Variants in GUCA1C observed in about 807,000 individuals in gnomAD.
GUCA1C encodes the protein guanylate cyclase activator 1C.
GUCA1C carries 15 observed loss-of-function variants against 16.2 expected under a neutral mutation model. The ratio of observed to expected loss-of-function variants is 0.93; its 90% confidence interval spans 0.62 to 1.43. The LOEUF is 1.43. Ranked by LOEUF, GUCA1C falls within the 40% of genes most tolerant of loss-of-function variation. The probability of loss-of-function intolerance (pLI) is 0.00; values close to 1 mark genes in which losing one functional copy is unlikely to be tolerated. For missense variants in GUCA1C, 275 were observed against 244.8 expected (o/e 1.12, Z -0.82); for synonymous variants, 78 against 85.4 (o/e 0.91, Z 0.48).
intron 1 of GUCA1C, among the ~76,000 whole-genome samples, chr3:108,931,691 G>A (rs1299115858): frequency 6.6e-6 from 1 of 151,932 alleles, no homozygotes; most frequent in Non-Finnish European, 1.5e-5. Context: ...TGAATCAGGA[G>A]GAAAAAAATT....
chr3:108,916,301 G>A, intron 2 of GUCA1C, 87 bp from the exon 3 acceptor site: 1 of 1,323,130 alleles, frequency 7.6e-7, no homozygotes, highest in Non-Finnish European at 1.1e-6. Flanking sequence ...GACAGAATTT[G>A]GGGATGTGTT....
chr3:108,913,902 C>T (rs911970816), intron 3 of GUCA1C, among the ~76,000 whole-genome samples: 2 of 151,890 alleles, frequency 1.3e-5, no homozygotes. Context: ...CCCGTCTCTA[C>T]TAAAAATACA....
chr3:108,923,842 AG>A (rs1946593775), intron 1 of GUCA1C, among the ~76,000 whole-genome samples: 1 of 152,054 alleles, frequency 6.6e-6, no homozygotes, highest in Non-Finnish European at 1.5e-5. Flanking sequence ...AGTGTTTTGT[AG>A]TTTTCCTCGT....
At chr3:108,919,276 A>C (rs527700798) in intron 2 of GUCA1C, among the ~76,000 whole-genome samples, 7 of 152,148 alleles carry the variant, frequency 4.6e-5, no homozygotes, top group African/African-American at 1.7e-4. Flanking sequence ...TGCATTAAGC[A>C]TTAAGAAATG....
At chr3:108,937,888 T>C (rs1946744141) in intron 1 of GUCA1C, among the ~76,000 whole-genome samples, 1 of 152,042 alleles carries the variant, frequency 6.6e-6, no homozygotes, top group Non-Finnish European at 1.5e-5. Context: ...CTGACAAAGA[T>C]GGTGAAACCC....
At chr3:108,914,402 C>T (rs1207666233) in intron 3 of GUCA1C, among the ~76,000 whole-genome samples, 4 of 152,158 alleles carry the variant, frequency 2.6e-5, no homozygotes, top group African/African-American at 7.2e-5. Context: ...CATGTTTTCT[C>T]GAATACACTA....
chr3:108,909,538 G>T (rs941126565), intron 3 of GUCA1C, among the ~76,000 whole-genome samples: 1 of 152,140 alleles, frequency 6.6e-6, no homozygotes, highest in African/African-American at 2.4e-5. Flanking sequence ...CAAATTTATC[G>T]GGGCTCAGCA....
At chr3:108,920,223 A>C (rs1376362391) in intron 2 of GUCA1C, among the ~76,000 whole-genome samples, 1 of 152,230 alleles carries the variant, frequency 6.6e-6, no homozygotes, top group African/African-American at 2.4e-5. Context: ...AAATTTGTGA[A>C]TGTCAGGGTG....
chr3:108,927,318 T>C (rs1173912041), intron 1 of GUCA1C, among the ~76,000 whole-genome samples: 1 of 152,234 alleles, frequency 6.6e-6, no homozygotes, highest in African/African-American at 2.4e-5. Flanking sequence ...TTCCCTCAAA[T>C]ATGTTTTCTA....
intron 2 of GUCA1C, among the ~76,000 whole-genome samples, chr3:108,917,150 T>C (rs555380823): frequency 6.6e-6 from 1 of 152,312 alleles, no homozygotes; most frequent in Non-Finnish European, 1.5e-5. Flanking sequence ...TTTAAAGTAA[T>C]AGTTACATAC....
At chr3:108,951,466 AAC>A (rs1946895124) in intron 1 of GUCA1C, among the ~76,000 whole-genome samples, 1 of 152,230 alleles carries the variant, frequency 6.6e-6, no homozygotes, top group Non-Finnish European at 1.5e-5. Context: ...AACTTATAAA[AAC>A]ACAAAGAAAA....
rs1211358529 is a variant in GUCA1C, at chr3:108,943,972, T to A, written c.204+9587A>T. On this transcript the variant is annotated intron_variant, in intron 1 of 3. Coordinates refer to ENST00000261047, the MANE Select transcript of GUCA1C (RefSeq NM_005459.4). ...TACCCCAATAACTTATAGAAAAAAT[T>A]TTTAATTAAATAAATAAATATAATG... Among the ~76,000 whole-genome samples the A allele has an allele frequency of 3.3e-5, 5 of 151,954 alleles. No individual in the cohort carries two copies. In the East Asian group the frequency reaches 9.6e-4, roughly 29 times the overall value.
At chr3:108,931,504 C>T (rs1946665223) in intron 1 of GUCA1C, among the ~76,000 whole-genome samples, 1 of 152,182 alleles carries the variant, frequency 6.6e-6, no homozygotes, top group African/African-American at 2.4e-5. Flanking sequence ...GTTTTCATTT[C>T]AGTATTCTGT....
intron 1 of GUCA1C, among the ~76,000 whole-genome samples, chr3:108,927,789 T>A (rs1232907939): frequency 6.6e-6 from 1 of 152,180 alleles, no homozygotes; most frequent in African/African-American, 2.4e-5. Context: ...TCTTGGAGTC[T>A]TCTTTTGTCA....
At chr3:108,939,075 A>G (rs1946758258) in intron 1 of GUCA1C, among the ~76,000 whole-genome samples, 1 of 152,190 alleles carries the variant, frequency 6.6e-6, no homozygotes, top group South Asian at 2.1e-4. Context: ...GAAATTCCTC[A>G]GGTAGACATT....
intron 1 of GUCA1C, among the ~76,000 whole-genome samples, chr3:108,948,810 C>T (rs1463036018): frequency 6.6e-6 from 1 of 151,142 alleles, no homozygotes; most frequent in Non-Finnish European, 1.5e-5. Flanking sequence ...GCATATTGTG[C>T]TGGGCCTTGT....
chr3:108,945,866 C>G (rs1252512523), intron 1 of GUCA1C, among the ~76,000 whole-genome samples: 3 of 152,062 alleles, frequency 2.0e-5, no homozygotes, highest in African/African-American at 7.2e-5. Context: ...AATTTTATGA[C>G]CCTCATATAA....
chr3:108,933,180 C>T (rs889762879), intron 1 of GUCA1C, among the ~76,000 whole-genome samples: 1 of 152,058 alleles, frequency 6.6e-6, no homozygotes, highest in Non-Finnish European at 1.5e-5. Flanking sequence ...TTCTACATCA[C>T]AAAATTGTAA....
At chr3:108,936,093 C>T (rs550675549) in intron 1 of GUCA1C, among the ~76,000 whole-genome samples, 3 of 152,024 alleles carry the variant, frequency 2.0e-5, no homozygotes, top group East Asian at 1.9e-4. Flanking sequence ...GGTGAAGCCC[C>T]GTCTCTACAA....
Sources: allele counts gnomAD v4.1 joint callset (sites outside exome capture counted in the v4.1 genomes callset), GRCh38; gene constraint gnomAD v4.1.1; transcripts MANE v1.5; gene names NCBI Gene and HGNC (gene_info 2026-07-23, HGNC 2026-07-21).